FAM107A: variants seen among roughly 807,000 people sequenced by gnomAD.
FAM107A encodes actin-associated protein FAM107A.
In FAM107A, 19 loss-of-function variants were observed where a neutral mutation model predicts 13.7. That is an observed-to-expected ratio of 1.38 (90% confidence interval 0.97 to 2.03). The LOEUF (loss-of-function observed/expected upper bound fraction) is 2.03. FAM107A is among the 30% of genes most tolerant of loss of function. The probability of loss-of-function intolerance (pLI) is 0.00; values close to 1 mark genes in which losing one functional copy is unlikely to be tolerated. For synonymous variants in FAM107A, 82 were observed against 74.5 expected, an observed-to-expected ratio of 1.10 and a Z score of -0.52; for missense variants, 203 against 184.4, an observed-to-expected ratio of 1.10 and a Z score of -0.58.
intron 1 of FAM107A, among the ~76,000 whole-genome samples, chr3:58,625,234 G>A (rs2066001679): frequency 6.6e-6 from 1 of 152,134 alleles, no homozygotes; most frequent in African/African-American, 2.4e-5. Flanking sequence ...CGGGATGGGA[G>A]GTCGCACGTG....
intron 1 of FAM107A, among the ~76,000 whole-genome samples, chr3:58,610,975 G>C (rs928010238): frequency 2.6e-5 from 4 of 152,162 alleles, no homozygotes; most frequent in Non-Finnish European, 4.4e-5. Context: ...TTGGATCATG[G>C]GGGCTGTTAC....
intron 1 of FAM107A, among the ~76,000 whole-genome samples, chr3:58,612,084 A>G (rs1289038019): frequency 1.3e-5 from 2 of 152,136 alleles, no homozygotes; most frequent in African/African-American, 2.4e-5. Context: ...CCTCACATAC[A>G]CATAGCATTT....
upstream of FAM107A, among the ~76,000 whole-genome samples, chr3:58,582,738 T>C (rs73089526): frequency 0.11 from 16,677 of 152,304 alleles, 1,058 homozygotes; most frequent in African/African-American, 0.16. Flanking sequence ...GTGGCTGCCA[T>C]GGAGTCAGGG....
At chr3:58,582,326 A>G (rs1400367108), upstream of FAM107A, among the ~76,000 whole-genome samples, 1 of 152,188 alleles carries the variant, frequency 6.6e-6, no homozygotes, top group Admixed American at 6.5e-5. Context: ...GCAGGGGTGG[A>G]GGCTGCGTCT....
intron 1 of FAM107A, among the ~76,000 whole-genome samples, chr3:58,586,691 C>T (rs944337604): frequency 6.6e-6 from 1 of 152,218 alleles, no homozygotes; most frequent in Non-Finnish European, 1.5e-5. Flanking sequence ...GAATGAGACC[C>T]TGTCACAAAC....
chr3:58,594,162 G>A (rs1036864954), intron 1 of FAM107A, among the ~76,000 whole-genome samples: 13 of 152,072 alleles, frequency 8.5e-5, no homozygotes, highest in South Asian at 2.1e-4. Context: ...TTTCAGCTCC[G>A]CATTACAGAT....
chr3:58,579,214 A>G (rs1210360062), upstream of FAM107A, among the ~76,000 whole-genome samples: 1 of 152,108 alleles, frequency 6.6e-6, no homozygotes, highest in East Asian at 1.9e-4. Flanking sequence ...GGAAAGGCCC[A>G]GACTGGGTGG....
chr3:58,579,627 C>T (rs1165129209), upstream of FAM107A, among the ~76,000 whole-genome samples: 3 of 152,132 alleles, frequency 2.0e-5, no homozygotes, highest in Non-Finnish European at 4.4e-5. Context: ...TTCCTAGGGT[C>T]TTTGGTGGCT....
chr3:58,622,284 CA>C (rs1276626409), intron 1 of FAM107A, among the ~76,000 whole-genome samples: 1 of 152,016 alleles, frequency 6.6e-6, no homozygotes, highest in Non-Finnish European at 1.5e-5. Context: ...ACTAAAAATA[CA>C]AAAAAATTAG....
intron 1 of FAM107A, among the ~76,000 whole-genome samples, chr3:58,624,882 C>T (rs558053204): frequency 5.9e-5 from 9 of 152,328 alleles, no homozygotes; most frequent in African/African-American, 1.7e-4. Context: ...CTGACAGGGA[C>T]GGCCTCAAGG....
chr3:58,567,925 G>A (rs941437655), intron 2 of FAM107A, among the ~76,000 whole-genome samples: 4 of 152,064 alleles, frequency 2.6e-5, no homozygotes, highest in African/African-American at 9.7e-5. Flanking sequence ...CTTCTTTTGT[G>A]AATTAACTGT....
At chr3:58,594,789 G>T (rs897268579) in intron 1 of FAM107A, among the ~76,000 whole-genome samples, 1 of 152,098 alleles carries the variant, frequency 6.6e-6, no homozygotes, top group Non-Finnish European at 1.5e-5. Flanking sequence ...GAAGAGTGTT[G>T]TTTTTACCTA....
At chr3:58,580,441 A>G (rs1396318411), upstream of FAM107A, among the ~76,000 whole-genome samples, 1 of 132,104 alleles carries the variant, frequency 7.6e-6, no homozygotes, top group East Asian at 2.2e-4. Context: ...TTTGAGACAG[A>G]GCATTACTCT....
upstream of FAM107A, among the ~76,000 whole-genome samples, chr3:58,590,449 C>T (rs1171300645): frequency 6.6e-6 from 1 of 152,184 alleles, no homozygotes; most frequent in East Asian, 1.9e-4. Context: ...GCCTGGATAC[C>T]AACAGTAATT....
chr3:58,587,460 G>T (rs1341624028), upstream of FAM107A, among the ~76,000 whole-genome samples: 1 of 148,710 alleles, frequency 6.7e-6, no homozygotes, highest in Non-Finnish European at 1.5e-5. Context: ...TGGTTGTGAG[G>T]TTAATCAGCT....
At chr3:58,603,851 ACCT>A (rs1415130150) in intron 1 of FAM107A, among the ~76,000 whole-genome samples, 1 of 151,950 alleles carries the variant, frequency 6.6e-6, no homozygotes, top group Admixed American at 6.6e-5. Context: ...AGGAGCACCA[ACCT>A]CCTGCTTTTT....
intron 1 of FAM107A, among the ~76,000 whole-genome samples, chr3:58,600,492 G>A (rs2065744506): frequency 6.6e-6 from 1 of 152,178 alleles, no homozygotes; most frequent in Non-Finnish European, 1.5e-5. Flanking sequence ...AGAATAGTGA[G>A]GCTCAAAAAA....
At chr3:58,587,947 G>A (rs977105814), upstream of FAM107A, among the ~76,000 whole-genome samples, 2 of 152,212 alleles carry the variant, frequency 1.3e-5, no homozygotes, top group Non-Finnish European at 2.9e-5. Context: ...ACTCAGAGGG[G>A]TGATGCAACT....
At chr3:58,624,144 C>T (rs757665328) in intron 1 of FAM107A, among the ~76,000 whole-genome samples, 1 of 152,220 alleles carries the variant, frequency 6.6e-6, no homozygotes, top group Admixed American at 6.5e-5. Context: ...GGGCTTAAAA[C>T]GTGGCTCCCA....
Sources: gnomAD v4.1 joint callset for allele counts (sites outside exome capture counted in the v4.1 genomes callset) on GRCh38, gnomAD v4.1.1 for gene constraint, MANE v1.5 for transcripts, NCBI Gene and HGNC (gene_info 2026-07-23, HGNC 2026-07-21) for gene names.